ITGB3BP: variants seen among roughly 807,000 people sequenced by gnomAD.
The protein encoded by ITGB3BP is centromere protein R.
Under a neutral mutation model 29.1 loss-of-function variants are expected in ITGB3BP, and 27 were observed. The observed-to-expected ratio is 0.93, with a 90% CI of 0.68 to 1.28. The LOEUF (loss-of-function observed/expected upper bound fraction) is 1.28. Ranked by LOEUF, ITGB3BP falls within the 50% of genes most tolerant of loss-of-function variation. The probability of loss-of-function intolerance (pLI) is 0.00; values close to 1 mark genes in which losing one functional copy is unlikely to be tolerated. For synonymous variants in ITGB3BP, 61 were observed against 61.4 expected (o/e 0.99, Z 0.03); for missense variants, 192 against 200.2 (o/e 0.96, Z 0.25).
Position 63,528,879 on chromosome 1 carries a change from C to A in ITGB3BP, n.253+252G>T, listed in dbSNP as rs192860943. Among the ~76,000 whole-genome samples the A allele has an allele frequency of 5.4e-4, 82 of 152,144 alleles. 1 individual carries two copies. The East Asian group carries it at 0.015, about 28-fold the overall frequency. On this transcript the variant is annotated intron_variant and non_coding_transcript_variant, in intron 2 of 4. Coordinates refer to the ITGB3BP transcript ENST00000478138. ...CTCCTTGATTCTTTGAACATTGTTT[C>A]CTTTATTATTAGTAGCAGTAGTGTA...
chr1:63,511,502 T>G (rs1207481033), intron 1 of ITGB3BP, among the ~76,000 whole-genome samples: 4 of 152,072 alleles, frequency 2.6e-5, no homozygotes, highest in African/African-American at 9.7e-5. Context: ...ACAGCAGCAT[T>G]GCTCACAATA....
At chr1:63,465,428 C>CT (rs902240929) in intron 4 of ITGB3BP, among the ~76,000 whole-genome samples, 61 of 145,760 alleles carry the variant, frequency 4.2e-4, no homozygotes, top group Admixed American at 5.5e-4. Flanking sequence ...GGATTTTTTT[C>CT]TTTTTTTTTT....
intron 4 of ITGB3BP, chr1:63,457,805 T>C (rs960231467): frequency 2.0e-5 from 3 of 152,226 alleles, no homozygotes; most frequent in African/African-American, 7.2e-5. Context: ...CCAGTGACTG[T>C]TGCCAGTTTT....
chr1:63,479,435 G>A (rs1645400262), intron 3 of ITGB3BP, among the ~76,000 whole-genome samples: 1 of 151,946 alleles, frequency 6.6e-6, no homozygotes, highest in African/African-American at 2.4e-5. Flanking sequence ...TACCTTACAT[G>A]CTTATCATTT....
Position 63,447,845 on chromosome 1 carries a change from C to T in ITGB3BP, c.485-989G>A, listed in dbSNP as rs369594515. On this transcript the variant is annotated intron_variant, in intron 7 of 8. Transcript: ENST00000271002. ...CATTACTGGGTATATACCCAAAGGACTATAAATCATGCTGCTATAAAGACA... is the reference window on the plus strand; with the variant it reads ...CATTACTGGGTATATACCCAAAGGATTATAAATCATGCTGCTATAAAGACA... 7.3e-3 allele frequency: 2,235 copies of T among 306,030 alleles called. 36 individuals are homozygous for T. The highest frequency in any genetic ancestry group is 0.046 in the African/African-American group (2,083 of 45,594). The allele number at this position is 306,030 out of a possible 1,614,324, so 19.0% of individuals were successfully genotyped here.
intron 2 of ITGB3BP, among the ~76,000 whole-genome samples, chr1:63,493,088 A>ACACACGCGCG (rs372348238): frequency 0.019 from 2,792 of 148,780 alleles, 99 homozygotes; most frequent in African/African-American, 0.068. Context: ...ACACACACAC[A>ACACACGCGCG]CGCGCGCGCG....
upstream of ITGB3BP, among the ~76,000 whole-genome samples, chr1:63,524,764 CT>C: frequency 1.3e-5 from 2 of 152,222 alleles, no homozygotes; most frequent in Non-Finnish European, 2.9e-5. Flanking sequence ...TTACTGCTAG[CT>C]GGGTGACATT....
chr1:63,490,476 T>C (rs1277931179), intron 2 of ITGB3BP, among the ~76,000 whole-genome samples: 1 of 152,178 alleles, frequency 6.6e-6, no homozygotes, highest in East Asian at 1.9e-4. Context: ...CCTTCTGAGA[T>C]GGTATTTCCA....
chr1:63,492,076 A>C (rs1277697172), intron 2 of ITGB3BP, among the ~76,000 whole-genome samples: 2 of 152,150 alleles, frequency 1.3e-5, no homozygotes, highest in Non-Finnish European at 2.9e-5. Flanking sequence ...TTCACCAAAA[A>C]ATTATTTTAT....
chr1:63,475,632 A>T (rs1645324699), intron 4 of ITGB3BP, among the ~76,000 whole-genome samples: 1 of 152,226 alleles, frequency 6.6e-6, no homozygotes, highest in Non-Finnish European at 1.5e-5. Context: ...GGAATAAAGA[A>T]CCTATTACTA....
intron 4 of ITGB3BP, among the ~76,000 whole-genome samples, chr1:63,459,216 T>TAACC (rs1644978234): frequency 6.6e-6 from 1 of 152,204 alleles, no homozygotes; most frequent in African/African-American, 2.4e-5. Context: ...CATGACAGCC[T>TAACC]AACCCAATCT....
chr1:63,441,842 C>T (rs1352377375), intron 8 of ITGB3BP, among the ~76,000 whole-genome samples: 1 of 152,136 alleles, frequency 6.6e-6, no homozygotes, highest in Non-Finnish European at 1.5e-5. Flanking sequence ...GTCTCTTCAG[C>T]CTTAGAATCC....
At chr1:63,520,823 C>A (rs531458260) in intron 1 of ITGB3BP, among the ~76,000 whole-genome samples, 74 of 152,210 alleles carry the variant, frequency 4.9e-4, no homozygotes, top group African/African-American at 1.7e-3. Context: ...TTTATCATTT[C>A]TCTGCCTTTT....
At position 63,523,216 on chromosome 1, in the gene ITGB3BP, G is replaced by A. The variant is rs1407788297; in HGVS notation, c.-83C>T. 14 of 1,591,062 alleles carry A rather than the reference G, an allele frequency of 8.8e-6. No homozygotes were observed. The highest frequency in any genetic ancestry group is 3.3e-5 in the Admixed American group (2 of 59,768). ...AAACAGAAAATCCGCCAAAGGAAAC[G>A]CCAAGGCATGAAAAGCGCGCGCTGG... On this transcript the variant is annotated 5_prime_UTR_variant, in exon 1 of 9. Coordinates refer to ENST00000271002, the MANE Select transcript of ITGB3BP (RefSeq NM_014288.5).
chr1:63,494,504 G>A (rs1209242153), intron 2 of ITGB3BP, among the ~76,000 whole-genome samples: 1 of 152,134 alleles, frequency 6.6e-6, no homozygotes, highest in East Asian at 1.9e-4. Flanking sequence ...TAGCCATGGA[G>A]AACAGAAACA....
chr1:63,525,081 A>G (rs1036859812), upstream of ITGB3BP, among the ~76,000 whole-genome samples: 3 of 152,116 alleles, frequency 2.0e-5, no homozygotes, highest in Admixed American at 6.5e-5. Context: ...ATTATTCTGG[A>G]GTTTCTCATT....
intron 2 of ITGB3BP, among the ~76,000 whole-genome samples, chr1:63,500,630 G>A (rs555700074): frequency 1.3e-5 from 2 of 152,206 alleles, no homozygotes; most frequent in East Asian, 1.9e-4. Context: ...GATAATAAGC[G>A]AGATCTAAAT....
intron 2 of ITGB3BP, among the ~76,000 whole-genome samples, chr1:63,503,357 G>T (rs1645987868): frequency 6.6e-6 from 1 of 151,604 alleles, no homozygotes; most frequent in Non-Finnish European, 1.5e-5. Context: ...CTTTTTGATG[G>T]GGTTGTTTTT....
intron 4 of ITGB3BP, among the ~76,000 whole-genome samples, 160 bp from the exon 5 acceptor site, chr1:63,455,128 T>C (rs1181388699): frequency 6.6e-6 from 1 of 152,160 alleles, no homozygotes; most frequent in Non-Finnish European, 1.5e-5. Context: ...TTTGGAGTTT[T>C]ACTTTCCGAT....
Sources: gnomAD v4.1 joint callset for allele counts (sites outside exome capture counted in the v4.1 genomes callset) on GRCh38, gnomAD v4.1.1 for gene constraint, MANE v1.5 for transcripts, NCBI Gene and HGNC (gene_info 2026-07-23, HGNC 2026-07-21) for gene names.